Variants in MARVELD3 observed in about 807,000 individuals in gnomAD.
The protein encoded by MARVELD3 is MARVEL domain-containing protein 3.
A neutral mutation model predicts 33.5 loss-of-function variants in MARVELD3; 28 were observed. The observed-to-expected ratio is 0.84, with a 90% CI of 0.62 to 1.15. The LOEUF is 1.15. Among genes scored for constraint, MARVELD3 ranks in the 50% most tolerant of loss-of-function variants. The pLI is 0.00. For missense variants in MARVELD3, 582 were observed against 547.6 expected (o/e 1.06, Z -0.63); for synonymous variants, 241 against 230.4 (o/e 1.05, Z -0.42).
intron 2 of MARVELD3, 111 bp from the exon 3 acceptor site, chr16:71,634,082 G>A (rs2044557859): frequency 2.0e-6 from 3 of 1,499,958 alleles, no homozygotes; most frequent in South Asian, 1.4e-5. Flanking sequence ...TCTTCCACAG[G>A]GCCAGAAGCC....
At position 71,626,430 on chromosome 16, in the gene MARVELD3, G is replaced by A. The variant is rs775098833; in HGVS notation, c.201G>A (p.Gly67=). The change falls in exon 1 of 3, where the codon GGG becomes GGA. Residue 67 remains glycine (G), a synonymous_variant. Transcript: ENST00000268485. This position sits in a 1 kb window ranked among gnomAD's most constrained non-coding sequence, Gnocchi z 5.3. The stretch of plus-strand genomic sequence containing the variant: ...CGGAGAGAGACCAGGAGAGGGACGG[G>A]AACCGCGACCGGAACCGGGACCGGG... ...RDPERDQERD[G]NRDRNRDRER... is the part of the protein sequence containing the mutation. 764 of 1,548,190 alleles carry A rather than the reference G, an allele frequency of 4.9e-4. No homozygotes were observed. Among genetic ancestry groups the A allele is most frequent in the Non-Finnish European group, 6.2e-4 (712 of 1,146,250 alleles).
Position 71,634,804 on chromosome 16 carries a change from G to C in MARVELD3, c.*1G>C. 1 of 1,589,538 alleles carries C rather than the reference G, an allele frequency of 6.3e-7. No individual in the cohort carries two copies. Among genetic ancestry groups the C allele is most frequent in the Non-Finnish European group, 8.5e-7 (1 of 1,169,600 alleles). On this transcript the variant is annotated 3_prime_UTR_variant, in exon 3 of 3. Coordinates refer to ENST00000268485, the MANE Select transcript of MARVELD3 (RefSeq NM_052858.6). ...GCCAGCAGAAATGTTTGAATTTTAAGGGTTTCTAAAACGCTCTGACAGATG... is the reference window on the plus strand; with the variant it reads ...GCCAGCAGAAATGTTTGAATTTTAACGGTTTCTAAAACGCTCTGACAGATG...
Position 71,634,777 on chromosome 16 carries a change from A to T in MARVELD3, c.1180A>T (p.Lys394Ter), listed in dbSNP as rs1245966996. The T allele has an allele frequency of 6.2e-7, 1 of 1,603,798 alleles. No homozygotes were observed. The highest frequency in any genetic ancestry group is 1.8e-5 in the Admixed American group (1 of 56,954). Residue 394 changes from lysine to a stop codon, truncating the protein, a stop_gained, in exon 3 of 3, where the codon AAG becomes TAG. Transcript: ENST00000268485. LOFTEE classifies it high-confidence loss of function. Reference protein sequence around the residue: ...GYRKVRKLKEKPAEMFEF With the variant: ...GYRKVRKLKE ...CCGAAAAGTTAGGAAGCTAAAAGAG[A>T]AGCCAGCAGAAATGTTTGAATTTTA...
chr16:71,626,893 AC>A lies in MARVELD3; in HGVS notation c.467+200del, dbSNP rs2044478740. ...AGGGTTCCCCCTTCTCGTGGCCTGA[AC>A]CCAACTAACAAAGCAAAAACCACCC... On this transcript the variant is annotated intron_variant, in intron 1 of 2. Coordinates refer to ENST00000268485, the MANE Select transcript of MARVELD3 (RefSeq NM_052858.6). This position sits in a 1 kb window ranked among gnomAD's most constrained non-coding sequence, Gnocchi z 5.3. 1 of 507,388 alleles carries A rather than the reference AC, an allele frequency of 2.0e-6. No individual in the cohort carries two copies. The highest frequency in any genetic ancestry group is 4.3e-5 in the Admixed American group (1 of 23,488). The allele number at this position is 507,388 out of a possible 1,614,324, so 31.4% of individuals were successfully genotyped here. A position where few individuals can be genotyped will look rare whatever the true frequency, so the allele number is the denominator to read the frequency against.
intron 1 of MARVELD3, among the ~76,000 whole-genome samples, chr16:71,627,935 C>T (rs576987525): frequency 6.6e-6 from 1 of 152,292 alleles, no homozygotes; most frequent in East Asian, 1.9e-4. Flanking sequence ...GAGACAGGTC[C>T]GAGGTGACGA....
chr16:71,629,413 C>A lies in MARVELD3; in HGVS notation c.514C>A (p.Arg172=), dbSNP rs768257715. ...RYLPSTPRPG[R]EEVEYYQSEA... ...TCTGCCCTCGACCCCCAGGCCTGGA[C>A]GAGAGGAGGTGGAATATTACCAGTC... The change falls in exon 2 of 3, where the codon CGA becomes AGA. Residue 172 remains arginine (R), a synonymous_variant. Transcript: ENST00000268485. 1.9e-6 allele frequency: 3 copies of A among 1,579,512 alleles called. No individual in the cohort carries two copies. The highest frequency in any genetic ancestry group is 1.7e-6 in the Non-Finnish European group (2 of 1,166,154).
intron 2 of MARVELD3, among the ~76,000 whole-genome samples, chr16:71,633,806 G>T (rs2044555503): frequency 6.6e-6 from 1 of 151,882 alleles, no homozygotes; most frequent in Non-Finnish European, 1.5e-5. Flanking sequence ...CAATGTGCTG[G>T]GATTACAGGC....
chr16:71,634,100 G>C, intron 2 of MARVELD3, 93 bp from the exon 3 acceptor site: 4 of 1,529,000 alleles, frequency 2.6e-6, no homozygotes, highest in Non-Finnish European at 3.5e-6. Flanking sequence ...GCCTTCAGGG[G>C]TCTGAGCCCT....
chr16:71,627,937 A>G (rs1161843414), intron 1 of MARVELD3, among the ~76,000 whole-genome samples: 2 of 152,204 alleles, frequency 1.3e-5, no homozygotes, highest in Non-Finnish European at 2.9e-5. Flanking sequence ...GACAGGTCCG[A>G]GGTGACGACT....
chr16:71,634,887 G>T lies in MARVELD3; in HGVS notation c.*84G>T. 6.6e-7 allele frequency: 1 copy of T among 1,514,808 alleles called. No homozygotes were observed. The highest frequency in any genetic ancestry group is 1.4e-5 in the South Asian group (1 of 73,418). The allele number at this position is 1,514,808 out of a possible 1,614,324, so 93.8% of individuals were successfully genotyped here. A position where few individuals can be genotyped will look rare whatever the true frequency, so the allele number is the denominator to read the frequency against. ...CCTTTCCCAAGAATCCCTTGTTGTG[G>T]AAGTTTCCAGTGCTGGAAAAGCAGC... is the stretch of plus-strand genomic sequence containing the variant. On this transcript the variant is annotated 3_prime_UTR_variant, in exon 3 of 3. Transcript: ENST00000268485.
In MARVELD3 at chr16:71,629,466, CA is replaced by C; in HGVS notation, c.570del (p.Lys190AsnfsTer19). ...SEAEGLLECH[K>X]CKYLCTGRAC... Reference sequence around the variant, plus strand: ...AGGCGGAAGGACTCCTGGAATGCCACAAATGCAAATACTTGTGCACTGGGAG... The same window carrying C: ...AGGCGGAAGGACTCCTGGAATGCCACAATGCAAATACTTGTGCACTGGGAG... On this transcript the variant is annotated frameshift_variant, in exon 2 of 3. Transcript: ENST00000268485. LOFTEE classifies it high-confidence loss of function. 1.9e-6 allele frequency: 3 copies of C among 1,575,552 alleles called. No homozygotes were observed. The highest frequency in any genetic ancestry group is 2.6e-6 in the Non-Finnish European group (3 of 1,165,264).
chr16:71,639,060 CTTTTTTTTTTTTTTT>C (rs34319437), downstream of MARVELD3: 10 of 59,590 alleles, frequency 1.7e-4, no homozygotes, highest in African/African-American at 4.8e-4. Flanking sequence ...CAGACTGGTT[CTTTTTTTTTTTTTTT>C]TTTTTTTTTT....
Position 71,636,165 on chromosome 16 carries a change from TTGC to T in MARVELD3, c.*1364_*1366del. On this transcript the variant is annotated 3_prime_UTR_variant, in exon 3 of 3. Transcript: ENST00000268485. ...TTCTCGGTCCAAGTGAGTAAGTTCT[TTGC>T]TTTATGTGAATCCAATAAAAAATCC... is the stretch of plus-strand genomic sequence containing the variant. 1 of 984,522 alleles carries T rather than the reference TTGC, an allele frequency of 1.0e-6. No individual in the cohort carries two copies. The highest frequency in any genetic ancestry group is 1.2e-6 in the Non-Finnish European group (1 of 829,078). 61.0% of individuals were successfully genotyped at this position (984,522 alleles called of 1,614,324 possible).
chr16:71,631,050 A>G (rs2044527859), intron 2 of MARVELD3, among the ~76,000 whole-genome samples: 1 of 152,224 alleles, frequency 6.6e-6, no homozygotes. Context: ...AAAACGTTCC[A>G]GCCTAAGGGA....
downstream of MARVELD3, among the ~76,000 whole-genome samples, chr16:71,639,995 G>A (rs1490096847): frequency 6.6e-6 from 1 of 152,236 alleles, no homozygotes; most frequent in African/African-American, 2.4e-5. Flanking sequence ...GAGGCTGGGT[G>A]AGGTGGCTTA....
downstream of MARVELD3, chr16:71,639,458 T>TTC: frequency 6.7e-6 from 1 of 149,700 alleles, no homozygotes; most frequent in African/African-American, 2.5e-5. Flanking sequence ...TTTTTTTTTT[T>TTC]TTTTTTGAGA....
downstream of MARVELD3, chr16:71,640,546 A>C (rs780917764): frequency 1.9e-6 from 3 of 1,614,104 alleles, no homozygotes; most frequent in Admixed American, 5.0e-5. Flanking sequence ...GAGCTAGAGC[A>C]GGTTCGGCAG....
chr16:71,640,316 T>G, downstream of MARVELD3: 2 of 1,482,060 alleles, frequency 1.3e-6, no homozygotes. Context: ...TAAAATCAGG[T>G]GGCCTGTGGT....
At chr16:71,640,240 C>A, downstream of MARVELD3, 1 of 874,324 alleles carries the variant, frequency 1.1e-6, no homozygotes. Flanking sequence ...GCACTCCAGC[C>A]TGGATGACAG....
Sources: gnomAD v4.1 joint callset for allele counts (sites outside exome capture counted in the v4.1 genomes callset) on GRCh38, gnomAD v4.1.1 for gene constraint, Gnocchi (gnomAD v3.1) non-coding constraint, MANE v1.5 for transcripts, NCBI Gene and HGNC (gene_info 2026-07-23, HGNC 2026-07-21) for gene names.